GATB: variants seen among roughly 807,000 people sequenced by gnomAD.
The protein encoded by GATB is glutamyl-tRNA(Gln) amidotransferase subunit B, mitochondrial.
In GATB, 39 loss-of-function variants were observed where a neutral mutation model predicts 62.3. That is an observed-to-expected ratio of 0.63 (90% confidence interval 0.48 to 0.82). GATB has a LOEUF of 0.82. Among genes scored for constraint, GATB ranks in the 40% least tolerant of loss-of-function variants. GATB has a pLI of 0.00. For synonymous variants in GATB, 276 were observed against 258.9 expected, an observed-to-expected ratio of 1.07 and a Z score of -0.63; for missense variants, 670 against 684.0, an observed-to-expected ratio of 0.98 and a Z score of 0.23.
In GATB at chr4:151,696,521, C is replaced by T. The variant is rs1340204831; in HGVS notation, c.1197+4808G>A. 3.9e-5 allele frequency among the ~76,000 whole-genome samples: 6 copies of T among 152,326 alleles called. No homozygotes were observed. The East Asian group carries it at 5.8e-4, about 15-fold the overall frequency. The stretch of plus-strand genomic sequence containing the variant: ...GGCAGCAGAGCTTAGGAATGAAGAG[C>T]GTAGGCCTTGAAGTCAGCATGATCT... On this transcript the variant is annotated intron_variant, in intron 9 of 12. Transcript: ENST00000263985.
At chr4:151,698,063 G>C (rs182934607) in intron 9 of GATB, among the ~76,000 whole-genome samples, 2 of 149,040 alleles carry the variant, frequency 1.3e-5, no homozygotes, top group East Asian at 4.0e-4. Flanking sequence ...TTTAGGTGGG[G>C]CAAGATACCC....
chr4:151,755,498 G>T (rs1343384374), intron 2 of GATB, among the ~76,000 whole-genome samples: 5 of 152,152 alleles, frequency 3.3e-5, no homozygotes, highest in Non-Finnish European at 7.4e-5. Context: ...ATTCCTAAAA[G>T]AATTACTACG....
At chr4:151,694,061 C>T (rs762767718) in intron 9 of GATB, among the ~76,000 whole-genome samples, 5 of 152,118 alleles carry the variant, frequency 3.3e-5, no homozygotes, top group Non-Finnish European at 7.4e-5. Flanking sequence ...CACGTTCCAA[C>T]GCACCTAACA....
At chr4:151,744,548 G>A (rs1739558136) in intron 2 of GATB, among the ~76,000 whole-genome samples, 1 of 152,146 alleles carries the variant, frequency 6.6e-6, no homozygotes, top group Non-Finnish European at 1.5e-5. Flanking sequence ...CCAGGAGTTA[G>A]AAACTAGCCT....
At chr4:151,749,856 T>G (rs1411209903) in intron 2 of GATB, among the ~76,000 whole-genome samples, 2 of 151,928 alleles carry the variant, frequency 1.3e-5, no homozygotes, top group Non-Finnish European at 2.9e-5. Flanking sequence ...CCCCCTTATA[T>G]CTTTATTCCT....
At chr4:151,685,115 T>C (rs1349899396) in intron 10 of GATB, among the ~76,000 whole-genome samples, 1 of 152,192 alleles carries the variant, frequency 6.6e-6, no homozygotes, top group Admixed American at 6.5e-5. Context: ...ATTCCGTACA[T>C]TTTAACCAAC....
At position 151,672,834 on chromosome 4, in the gene GATB, C is replaced by T. The variant is rs1737903836; in HGVS notation, c.1473G>A (p.Gln491=). The T allele has an allele frequency of 6.2e-7, 1 of 1,614,116 alleles. No homozygotes were observed. Among genetic ancestry groups the T allele is most frequent in the African/African-American group, 1.3e-5 (1 of 74,948 alleles). ...CCCCCTGGTCCTGCATCAGTTCAAG[C>T]TGCTTTTCTGAAACAATCTGCCCTG... is the stretch of plus-strand genomic sequence containing the variant. ...KTPGQIVSEK[Q]LELMQDQGAL... The change falls in exon 12 of 13, where the codon CAG becomes CAA. Residue 491 remains glutamine, a synonymous_variant. Transcript: ENST00000263985.
At chr4:151,693,395 C>T (rs1171806470) in intron 9 of GATB, among the ~76,000 whole-genome samples, 10 of 152,224 alleles carry the variant, frequency 6.6e-5, no homozygotes, top group African/African-American at 2.2e-4. Flanking sequence ...AATAATCTTT[C>T]AGCGAGTGCT....
At chr4:151,706,219 T>G (rs750138827) in intron 6 of GATB, among the ~76,000 whole-genome samples, 29 of 152,200 alleles carry the variant, frequency 1.9e-4, no homozygotes, top group Admixed American at 2.6e-4. Flanking sequence ...CTTGGAGAAT[T>G]GAACCCATAG....
intron 8 of GATB, chr4:151,703,529 A>G: frequency 2.8e-6 from 1 of 361,224 alleles, no homozygotes; most frequent in South Asian, 3.6e-5. Flanking sequence ...GAACATTAGA[A>G]TAAGAACAGC....
intron 9 of GATB, among the ~76,000 whole-genome samples, chr4:151,694,803 C>T (rs1738435533): frequency 6.6e-6 from 1 of 152,166 alleles, no homozygotes; most frequent in Non-Finnish European, 1.5e-5. Flanking sequence ...ATAGGCAATT[C>T]ATCCAGAAAG....
chr4:151,735,503 C>A (rs533554825), intron 2 of GATB, among the ~76,000 whole-genome samples: 2 of 151,920 alleles, frequency 1.3e-5, no homozygotes, highest in East Asian at 3.9e-4. Context: ...GGAATGTAAA[C>A]TAGTACAACT....
chr4:151,735,588 T>C (rs79576043), intron 2 of GATB, among the ~76,000 whole-genome samples: 83,705 of 150,594 alleles, frequency 0.56, 24,719 homozygotes, highest in African/African-American at 0.77. Flanking sequence ...ATCCTACTAC[T>C]GGGTATCTAC....
chr4:151,727,218 G>A (rs997809771), intron 2 of GATB, among the ~76,000 whole-genome samples: 3 of 152,176 alleles, frequency 2.0e-5, no homozygotes, highest in Non-Finnish European at 4.4e-5. Flanking sequence ...ACCATGCCCG[G>A]CCCTTTATTG....
chr4:151,723,794 TA>T (rs1207050270), intron 2 of GATB: 1 of 152,216 alleles, frequency 6.6e-6, no homozygotes, highest in Non-Finnish European at 1.5e-5. Flanking sequence ...CTAATTCTTC[TA>T]TTTAATCAGA....
chr4:151,695,476 T>C (rs1214607029), intron 9 of GATB, among the ~76,000 whole-genome samples: 1 of 152,138 alleles, frequency 6.6e-6, no homozygotes, highest in Non-Finnish European at 1.5e-5. Context: ...GCTGAAGCAC[T>C]GACATTTGGA....
intron 6 of GATB, among the ~76,000 whole-genome samples, chr4:151,705,699 G>C (rs954307226): frequency 6.6e-6 from 1 of 152,156 alleles, no homozygotes; most frequent in Non-Finnish European, 1.5e-5. Context: ...TTTGGAGAGA[G>C]GGTCCAGCAT....
chr4:151,729,534 C>T (rs1739201720), intron 2 of GATB, among the ~76,000 whole-genome samples: 1 of 151,982 alleles, frequency 6.6e-6, no homozygotes, highest in Non-Finnish European at 1.5e-5. Context: ...TAGAAGTGAA[C>T]ATTTTTATTC....
Position 151,701,363 on chromosome 4 carries a change from T to G in GATB, c.1163A>C (p.Tyr388Ser), listed in dbSNP as rs372583992. The stretch of plus-strand genomic sequence containing the variant: ...GAAGCTGTGTTCCAGCAGCATCCCA[T>G]ACTGTTGGACAAGCTTCTCTCGGGT... ...SVTREKLVQQ[Y>S]GMLLEHSFTL... Residue 388 changes from tyrosine (Y) to serine (S), a missense_variant, in exon 9 of 13, where the codon TAT becomes TCT. Coordinates refer to ENST00000263985, the MANE Select transcript of GATB (RefSeq NM_004564.3). 3 of 1,585,538 alleles carry G rather than the reference T, an allele frequency of 1.9e-6. No individual in the cohort carries two copies. The highest frequency in any genetic ancestry group is 4.6e-5 in the East Asian group (2 of 43,080).
Sources: gnomAD v4.1 joint callset for allele counts (sites outside exome capture counted in the v4.1 genomes callset) on GRCh38, gnomAD v4.1.1 for gene constraint, MANE v1.5 for transcripts, NCBI Gene and HGNC (gene_info 2026-07-23, HGNC 2026-07-21) for gene names.